The following MRPS24 variants were observed in gnomAD, a reference collection of about 807,000 sequenced individuals.
The protein encoded by MRPS24 is small ribosomal subunit protein uS3m.
Under a neutral mutation model 21.8 loss-of-function variants are expected in MRPS24, and 15 were observed. The ratio of observed to expected loss-of-function variants is 0.69; its 90% CI spans 0.46 to 1.06. MRPS24 has a LOEUF of 1.06. MRPS24 is among the 50% of genes least tolerant of loss of function. MRPS24 has a pLI of 0.00. For missense variants in MRPS24, 224 were observed against 219.1 expected (o/e 1.02, Z -0.14); for synonymous variants, 93 against 93.7 (o/e 0.99, Z 0.04).
rs2095838860 is a variant in MRPS24 at position 43,869,244 on chromosome 7, G to A, written c.108+64C>T. 2 of 1,485,110 alleles carry A rather than the reference G, an allele frequency of 1.3e-6. No homozygotes were observed. Among genetic ancestry groups the A allele is most frequent in the Non-Finnish European group, 8.9e-7 (1 of 1,122,124 alleles). The allele number at this position is 1,485,110 out of a possible 1,614,324, so 92.0% of individuals were successfully genotyped here. A position where few individuals can be genotyped will look rare whatever the true frequency, so the allele number is the denominator to read the frequency against. ...GCGACACGCCCCCTTCAGCCCGCAC[G>A]GCTTCCCCGGCCCCCGGCCCCCCGG... On this transcript the variant is annotated intron_variant, in intron 2 of 3. Coordinates refer to ENST00000317534, the MANE Select transcript of MRPS24 (RefSeq NM_032014.3). This position sits in a 1 kb window ranked among gnomAD's most constrained non-coding sequence, Gnocchi z 4.8.
chr7:43,867,903 T>G (rs894640477), intron 3 of MRPS24: 1 of 152,180 alleles, frequency 6.6e-6, no homozygotes, highest in Non-Finnish European at 1.5e-5. Flanking sequence ...CAAAGCACAG[T>G]TGGTTATCAA....
In MRPS24 at chr7:43,869,459, G is replaced by T; in HGVS notation, c.37C>A (p.Arg13=). The change falls in exon 1 of 4, where the codon CGG becomes AGG. Residue 13 remains arginine, a splice_region_variant and synonymous_variant. Coordinates refer to ENST00000317534, the MANE Select transcript of MRPS24 (RefSeq NM_032014.3). The surrounding 1 kb of genome is among the most constrained non-coding windows in gnomAD (Gnocchi z 4.8). ...ACCTGCCGAGTCGCCCCACTCACCC[G>T]TGGCCCCAGCAACCCGCTGCACACG... ...ASVCSGLLGP[R]VLSWSRELPC... 3.8e-6 allele frequency: 6 copies of T among 1,565,518 alleles called. No homozygotes were observed. Among genetic ancestry groups the T allele is most frequent in the Non-Finnish European group, 5.2e-6 (6 of 1,156,106 alleles).
chr7:43,869,395 T>C lies in MRPS24; in HGVS notation c.40-19A>G. On this transcript the variant is annotated intron_variant, in intron 1 of 3. Coordinates refer to ENST00000317534, the MANE Select transcript of MRPS24 (RefSeq NM_032014.3). The surrounding 1 kb of genome is among the most constrained non-coding windows in gnomAD (Gnocchi z 4.8). ...ACAGCACCTGTGGAGGGAGGGCGCG[T>C]GAGGCGGAAACTAGGGACCCCACCT... The C allele has an allele frequency of 6.5e-7, 1 of 1,549,894 alleles. No individual in the cohort carries two copies. Among genetic ancestry groups the C allele is most frequent in the South Asian group, 1.2e-5 (1 of 84,082 alleles).
At position 43,869,416 on chromosome 7, in the gene MRPS24, C is replaced by T. The variant is rs781038785; in HGVS notation, c.40-40G>A. On this transcript the variant is annotated intron_variant, in intron 1 of 3. Coordinates refer to ENST00000317534, the MANE Select transcript of MRPS24 (RefSeq NM_032014.3). This position sits in a 1 kb window ranked among gnomAD's most constrained non-coding sequence, Gnocchi z 4.8. ...CGCGTGAGGCGGAAACTAGGGACCCCACCTCCGACTCGCAGGGACCTGCCG... is the reference window on the plus strand; with the variant it reads ...CGCGTGAGGCGGAAACTAGGGACCCTACCTCCGACTCGCAGGGACCTGCCG... 1.9e-6 allele frequency: 3 copies of T among 1,552,038 alleles called. No individual in the cohort carries two copies. The Admixed American group carries it at 5.8e-5, about 30-fold the overall frequency.
intron 3 of MRPS24, 35 bp from the exon 4 acceptor site, chr7:43,867,017 T>G (rs747495931): frequency 1.2e-6 from 2 of 1,603,222 alleles, no homozygotes; most frequent in Non-Finnish European, 1.7e-6. Flanking sequence ...AGAATCAGCC[T>G]CATTGCCCCA....
intron 3 of MRPS24, 78 bp downstream of exon 3, chr7:43,868,885 A>C: frequency 2.6e-6 from 4 of 1,537,478 alleles, no homozygotes; most frequent in Non-Finnish European, 3.5e-6. Context: ...GAGTTAAAGA[A>C]AACCTGTGAC....
rs748204485 is a variant in MRPS24 at position 43,869,027 on chromosome 7, G to A, written c.156C>T (p.Thr52=). ...AGTGCGGCGCGTGTGCCTCCTCGTAGGTCACCGGCTTGTCCCCCTTGCTTA... is the reference window on the plus strand; with the variant it reads ...AGTGCGGCGCGTGTGCCTCCTCGTAAGTCACCGGCTTGTCCCCCTTGCTTA... ...VRVSKGDKPV[T]YEEAHAPHYI... The change falls in exon 3 of 4, where the codon ACC becomes ACT. Residue 52 remains threonine (T), a synonymous_variant. Transcript: ENST00000317534. The surrounding 1 kb of genome is among the most constrained non-coding windows in gnomAD (Gnocchi z 4.8). 5.0e-6 allele frequency: 8 copies of A among 1,614,012 alleles called. No homozygotes were observed. The South Asian group carries it at 6.6e-5, about 13-fold the overall frequency.
chr7:43,869,232 T>C lies in MRPS24; in HGVS notation c.108+76A>G, dbSNP rs1585775807. 1 of 1,457,208 alleles carries C rather than the reference T, an allele frequency of 6.9e-7. No homozygotes were observed. Among genetic ancestry groups the C allele is most frequent in the African/African-American group, 1.5e-5 (1 of 66,996 alleles). 90.3% of individuals were successfully genotyped at this position (1,457,208 alleles called of 1,614,324 possible). A position where few individuals can be genotyped will look rare whatever the true frequency, so the allele number is the denominator to read the frequency against. On this transcript the variant is annotated intron_variant, in intron 2 of 3. Transcript: ENST00000317534. The surrounding 1 kb of genome is among the most constrained non-coding windows in gnomAD (Gnocchi z 4.8). ...CCTCGGACCCCAGCGACACGCCCCC[T>C]TCAGCCCGCACGGCTTCCCCGGCCC...
chr7:43,869,266 C>CTG lies in MRPS24; in HGVS notation c.108+41_108+42insCA. 7.0e-7 allele frequency: 1 copy of CTG among 1,418,964 alleles called. No homozygotes were observed. The highest frequency in any genetic ancestry group is 9.4e-7 in the Non-Finnish European group (1 of 1,068,446). The allele number at this position is 1,418,964 out of a possible 1,614,324, so 87.9% of individuals were successfully genotyped here. A position where few individuals can be genotyped will look rare whatever the true frequency, so the allele number is the denominator to read the frequency against. ...CACGGCTTCCCCGGCCCCCGGCCCCCCGGCCCCCAGGCCCCCAGGCCCCTG... is the reference window on the plus strand; with the variant it reads ...CACGGCTTCCCCGGCCCCCGGCCCCCTGCGGCCCCCAGGCCCCCAGGCCCCTG... On this transcript the variant is annotated intron_variant, in intron 2 of 3. Transcript: ENST00000317534. The surrounding 1 kb of genome is among the most constrained non-coding windows in gnomAD (Gnocchi z 4.8).
At chr7:43,867,249 A>C (rs534294681) in intron 3 of MRPS24, among the ~76,000 whole-genome samples, 2 of 152,228 alleles carry the variant, frequency 1.3e-5, no homozygotes, top group African/African-American at 4.8e-5. Flanking sequence ...GTCAGGGTAC[A>C]AAACTCAAGA....
Position 43,869,070 on chromosome 7 carries a change from C to T in MRPS24, c.113G>A (p.Arg38Gln). Reference protein sequence around the residue: ...LHTSPVCAKNRAARVRVSKGD... With the variant: ...LHTSPVCAKNQAARVRVSKGD... Reference sequence around the variant, plus strand: ...CTTGCTTACGCGTACTCGGGCCGCCCGGTTCTAGGAGCAAAAGGGGCCGTG... The same window carrying T: ...CTTGCTTACGCGTACTCGGGCCGCCTGGTTCTAGGAGCAAAAGGGGCCGTG... The change falls in exon 3 of 4, where the codon CGG becomes CAG. Residue 38 changes from arginine to glutamine, a missense_variant. Transcript: ENST00000317534. This position sits in a 1 kb window ranked among gnomAD's most constrained non-coding sequence, Gnocchi z 4.8. 10 of 1,611,942 alleles carry T rather than the reference C, an allele frequency of 6.2e-6. No homozygotes were observed. The highest frequency in any genetic ancestry group is 8.5e-6 in the Non-Finnish European group (10 of 1,179,918).
chr7:43,867,000 T>C lies in MRPS24; in HGVS notation c.221-18A>G. 6.2e-7 allele frequency: 1 copy of C among 1,611,372 alleles called. No individual in the cohort carries two copies. Among genetic ancestry groups the C allele is most frequent in the Non-Finnish European group, 8.5e-7 (1 of 1,178,128 alleles). On this transcript the variant is annotated intron_variant, in intron 3 of 3. Coordinates refer to ENST00000317534, the MANE Select transcript of MRPS24 (RefSeq NM_032014.3). The stretch of plus-strand genomic sequence containing the variant: ...CAGGTTACCTGAAGAGGGAAGGGCA[T>C]AATAGAAGAATCAGCCTCATTGCCC...
At chr7:43,867,023 C>A in intron 3 of MRPS24, 41 bp from the exon 4 acceptor site, 1 of 1,594,192 alleles carries the variant, frequency 6.3e-7, no homozygotes. Flanking sequence ...AGCCTCATTG[C>A]CCCAGGGCCC....
At position 43,866,906 on chromosome 7, in the gene MRPS24, G is replaced by A; in HGVS notation, c.297C>T (p.Thr99=). 2 of 1,614,186 alleles carry A rather than the reference G, an allele frequency of 1.2e-6. No individual in the cohort carries two copies. Among genetic ancestry groups the A allele is most frequent in the East Asian group, 2.2e-5 (1 of 44,884 alleles). ...DVFLRKFMWG[T]FPGCLADQLV... ...GCTGGTCAGCCAGGCAGCCTGGGAAGGTACCCCACATGAACTTGCGAAGGA... is the reference window on the plus strand; with the variant it reads ...GCTGGTCAGCCAGGCAGCCTGGGAAAGTACCCCACATGAACTTGCGAAGGA... Residue 99 remains threonine, a synonymous_variant, in exon 4 of 4, where the codon ACC becomes ACT. Transcript: ENST00000317534.
In MRPS24 at chr7:43,869,102, C is replaced by A. The variant is rs773076950; in HGVS notation, c.109-28G>T. ...AGGAGCAAAAGGGGCCGTGACTCCA[C>A]GAGATCCCCGATCCAGACCCCTACT... On this transcript the variant is annotated intron_variant, in intron 2 of 3. Transcript: ENST00000317534. The surrounding 1 kb of genome is among the most constrained non-coding windows in gnomAD (Gnocchi z 4.8). The A allele has an allele frequency of 6.2e-6, 10 of 1,602,604 alleles. No individual in the cohort carries two copies. In the South Asian group the frequency reaches 6.6e-5, roughly 11 times the overall value.
Position 43,869,283 on chromosome 7 carries a change from A to G in MRPS24, c.108+25T>C. ...CCGGCCCCCCGGCCCCCAGGCCCCC[A>G]GGCCCCTGCCCCGGCGGTGCTCACC... On this transcript the variant is annotated intron_variant, in intron 2 of 3. Transcript: ENST00000317534. This position sits in a 1 kb window ranked among gnomAD's most constrained non-coding sequence, Gnocchi z 4.8. 2 of 648,944 alleles carry G rather than the reference A, an allele frequency of 3.1e-6. No homozygotes were observed. The highest frequency in any genetic ancestry group is 4.1e-6 in the Non-Finnish European group (2 of 488,316). The allele number at this position is 648,944 out of a possible 1,614,324, so 40.2% of individuals were successfully genotyped here. A position where few individuals can be genotyped will look rare whatever the true frequency, so the allele number is the denominator to read the frequency against.
In MRPS24 at chr7:43,869,453, T is replaced by A; in HGVS notation, c.39+4A>T. Reference sequence around the variant, plus strand: ...GCAGGGACCTGCCGAGTCGCCCCACTCACCCGTGGCCCCAGCAACCCGCTG... The same window carrying A: ...GCAGGGACCTGCCGAGTCGCCCCACACACCCGTGGCCCCAGCAACCCGCTG... On this transcript the variant is annotated splice_donor_region_variant and intron_variant, in intron 1 of 3. Coordinates refer to ENST00000317534, the MANE Select transcript of MRPS24 (RefSeq NM_032014.3). The surrounding 1 kb of genome is among the most constrained non-coding windows in gnomAD (Gnocchi z 4.8). 6.4e-7 allele frequency: 1 copy of A among 1,562,548 alleles called. No individual in the cohort carries two copies. The highest frequency in any genetic ancestry group is 8.7e-7 in the Non-Finnish European group (1 of 1,154,430).
Position 43,866,719 on chromosome 7 carries a change from C to A in MRPS24, c.484G>T (p.Val162Phe), listed in dbSNP as rs1383405011. 6.2e-7 allele frequency: 1 copy of A among 1,614,182 alleles called. No individual in the cohort carries two copies. The highest frequency in any genetic ancestry group is 2.2e-5 in the East Asian group (1 of 44,882). The change falls in exon 4 of 4, where the codon GTT becomes TTT. Residue 162 changes from valine to phenylalanine, a missense_variant. Transcript: ENST00000317534. ...RLHLQTVPSK[V>F]VYKYL ...TTGTTCTAGAGGTACTTATACACAACCTTTGAGGGCACAGTTTGGAGGTGG... is the reference window on the plus strand; with the variant it reads ...TTGTTCTAGAGGTACTTATACACAAACTTTGAGGGCACAGTTTGGAGGTGG...
chr7:43,868,884 A>G (rs1177358446), intron 3 of MRPS24, 79 bp downstream of exon 3: 2 of 1,534,268 alleles, frequency 1.3e-6, no homozygotes, highest in South Asian at 1.2e-5. Flanking sequence ...TGAGTTAAAG[A>G]AAACCTGTGA....
Sources: allele counts gnomAD v4.1 joint callset (sites outside exome capture counted in the v4.1 genomes callset), GRCh38; gene constraint gnomAD v4.1.1; non-coding constraint Gnocchi (gnomAD v3.1); transcripts MANE v1.5; gene names NCBI Gene and HGNC (gene_info 2026-07-23, HGNC 2026-07-21).